Variants in BTC observed in about 807,000 individuals in gnomAD.
The protein encoded by BTC is probetacellulin.
In BTC, 13 loss-of-function variants were observed where a neutral mutation model predicts 18.1. The ratio of observed to expected loss-of-function variants is 0.72; its 90% CI spans 0.47 to 1.14. The LOEUF is 1.14. Ranked by LOEUF, BTC falls within the 50% of genes most tolerant of loss-of-function variation. The pLI is 0.00. For missense variants in BTC, 247 were observed against 224.2 expected (o/e 1.10, Z -0.65); for synonymous variants, 83 against 79.4 (o/e 1.05, Z -0.24).
intron 1 of BTC, among the ~76,000 whole-genome samples, chr4:74,788,242 A>G (rs192086674): frequency 6.6e-6 from 1 of 152,268 alleles, no homozygotes; most frequent in Admixed American, 6.5e-5. Context: ...CACAAAATTA[A>G]CTTTTTGTTT....
intron 2 of BTC, among the ~76,000 whole-genome samples, chr4:74,760,025 G>A (rs1267947751): frequency 6.6e-6 from 1 of 152,186 alleles, no homozygotes; most frequent in Non-Finnish European, 1.5e-5. Flanking sequence ...GATCCGTTAG[G>A]TGTATCTTTC....
intron 1 of BTC, among the ~76,000 whole-genome samples, chr4:74,787,640 ACT>A (rs1725515083): frequency 6.6e-6 from 1 of 152,232 alleles, no homozygotes; most frequent in Non-Finnish European, 1.5e-5. Context: ...GGGGTCTGGC[ACT>A]GCCTAAGATC....
chr4:74,766,312 C>G (rs1181235355), intron 2 of BTC, among the ~76,000 whole-genome samples: 1 of 151,862 alleles, frequency 6.6e-6, no homozygotes, highest in Admixed American at 6.6e-5. Flanking sequence ...CTTACTGTAA[C>G]TTTTTTATTG....
At chr4:74,792,896 C>A (rs1227212047) in intron 1 of BTC, among the ~76,000 whole-genome samples, 2 of 152,336 alleles carry the variant, frequency 1.3e-5, no homozygotes, top group South Asian at 4.1e-4. Context: ...GCTTGCATAT[C>A]CAAATTCAGT....
chr4:74,776,030 A>C (rs1393940809), intron 1 of BTC, among the ~76,000 whole-genome samples: 1 of 152,318 alleles, frequency 6.6e-6, no homozygotes, highest in African/African-American at 2.4e-5. Flanking sequence ...TCCCCATAGC[A>C]TATCAGCCCT....
intron 2 of BTC, among the ~76,000 whole-genome samples, chr4:74,768,945 C>T (rs544070261): frequency 1.8e-4 from 28 of 152,108 alleles, no homozygotes; most frequent in Non-Finnish European, 3.7e-4. Context: ...ACATGGATGA[C>T]AAGACCCAAA....
chr4:74,780,892 GTTTC>G (rs33975215), intron 1 of BTC, among the ~76,000 whole-genome samples: 25,952 of 147,496 alleles, frequency 0.18, 3,618 homozygotes, highest in African/African-American at 0.41. Context: ...TCTACTGAGA[GTTTC>G]TTTTTTTTTT....
chr4:74,769,151 C>T (rs1724976713), intron 2 of BTC, among the ~76,000 whole-genome samples: 1 of 152,084 alleles, frequency 6.6e-6, no homozygotes, highest in Admixed American at 6.6e-5. Context: ...CATCATACTC[C>T]CAGTTCATAG....
At chr4:74,770,466 C>A (rs11097375) in intron 1 of BTC, among the ~76,000 whole-genome samples, 21,464 of 152,074 alleles carry the variant, frequency 0.14, 1,799 homozygotes, top group East Asian at 0.26. Context: ...ATTCCCAGTC[C>A]CTGAGTGAAA....
intron 1 of BTC, among the ~76,000 whole-genome samples, chr4:74,774,502 G>C (rs1725126032): frequency 6.6e-6 from 1 of 151,724 alleles, no homozygotes; most frequent in African/African-American, 2.4e-5. Context: ...AAGCCTTTTA[G>C]TACTATCTGA....
intron 1 of BTC, among the ~76,000 whole-genome samples, chr4:74,789,011 A>AGG (rs1489999943): frequency 1.3e-5 from 2 of 152,228 alleles, no homozygotes; most frequent in African/African-American, 4.8e-5. Flanking sequence ...GAGGAAACAC[A>AGG]AAAGTTCACA....
chr4:74,755,601 C>T (rs782478354), intron 3 of BTC, among the ~76,000 whole-genome samples: 11 of 152,198 alleles, frequency 7.2e-5, no homozygotes, highest in Non-Finnish European at 1.6e-4. Flanking sequence ...GTTCTGCTTG[C>T]GCAAGAAATC....
At chr4:74,794,169 G>C in intron 1 of BTC, 93 bp downstream of exon 1, 1 of 1,494,604 alleles carries the variant, frequency 6.7e-7, no homozygotes, top group Non-Finnish European at 9.1e-7. Flanking sequence ...GCGCCCTCTT[G>C]TCCAGATGCC....
chr4:74,765,168 A>C lies in BTC; in HGVS notation c.163+4890T>G, dbSNP rs541482320. Among the ~76,000 whole-genome samples the C allele has an allele frequency of 5.0e-5, 7 of 140,674 alleles. No individual in the cohort carries two copies. In the East Asian group the frequency reaches 1.4e-3, roughly 27 times the overall value. The allele number at this position is 140,674 out of a possible 152,430, so 92.3% of individuals were successfully genotyped here. On this transcript the variant is annotated intron_variant, in intron 2 of 5. Coordinates refer to ENST00000395743, the MANE Select transcript of BTC (RefSeq NM_001729.4). The stretch of plus-strand genomic sequence containing the variant: ...TAAAGAAAGAAAAAAAAAAACACTA[A>C]TGAAATGAAGATGTATAATTTATTT...
intron 2 of BTC, among the ~76,000 whole-genome samples, chr4:74,764,319 G>T (rs544290445): frequency 1.3e-5 from 2 of 152,258 alleles, no homozygotes; most frequent in South Asian, 2.1e-4. Flanking sequence ...CCTGTGGCAC[G>T]CTAAGACCAG....
At chr4:74,757,345 G>T (rs1724627926) in intron 2 of BTC, among the ~76,000 whole-genome samples, 1 of 152,158 alleles carries the variant, frequency 6.6e-6, no homozygotes, top group Non-Finnish European at 1.5e-5. Context: ...TCAGGGGATG[G>T]CAGAATCTCA....
At chr4:74,754,564 T>C (rs1389819282) in intron 3 of BTC, among the ~76,000 whole-genome samples, 1 of 152,200 alleles carries the variant, frequency 6.6e-6, no homozygotes, top group Non-Finnish European at 1.5e-5. Context: ...GAATAAGCTT[T>C]CTGGGCTACA....
At chr4:74,768,025 A>C (rs2109897704) in intron 2 of BTC, among the ~76,000 whole-genome samples, 1 of 152,224 alleles carries the variant, frequency 6.6e-6, no homozygotes, top group East Asian at 1.9e-4. Flanking sequence ...CAAAATAAAC[A>C]AGTGGGACTA....
chr4:74,756,510 G>T (rs1038553379), intron 2 of BTC, among the ~76,000 whole-genome samples: 1 of 152,156 alleles, frequency 6.6e-6, no homozygotes, highest in Non-Finnish European at 1.5e-5. Flanking sequence ...GATACATGGA[G>T]GCTAAGTCAC....
Sources: gnomAD v4.1 joint callset for allele counts (sites outside exome capture counted in the v4.1 genomes callset) on GRCh38, gnomAD v4.1.1 for gene constraint, MANE v1.5 for transcripts, NCBI Gene and HGNC (gene_info 2026-07-23, HGNC 2026-07-21) for gene names.